Variants in ITGAX observed in about 807,000 individuals in gnomAD.
ITGAX encodes the protein integrin alpha-X.
Under a neutral mutation model 140.2 loss-of-function variants are expected in ITGAX, and 99 were observed. The observed-to-expected ratio is 0.71, with a 90% CI of 0.60 to 0.83. The LOEUF (loss-of-function observed/expected upper bound fraction) is 0.83, where lower values mean the gene tolerates loss of function less well. Ranked by LOEUF, ITGAX falls within the 40% of genes least tolerant of loss-of-function variation. The pLI is 0.00. For synonymous variants in ITGAX, 631 were observed against 600.4 expected, an observed-to-expected ratio of 1.05 and a Z score of -0.75; for missense variants, 1,444 against 1,482.0, an observed-to-expected ratio of 0.97 and a Z score of 0.42.
intron 5 of ITGAX, 81 bp from the exon 6 acceptor site, chr16:31,359,619 A>C (rs980420506): frequency 2.6e-6 from 4 of 1,527,546 alleles, no homozygotes; most frequent in Middle Eastern, 1.8e-4. Flanking sequence ...GTTTTGGGAG[A>C]GTGAGCTCTT....
At position 31,382,716 on chromosome 16, in the gene ITGAX, G is replaced by A. The variant is rs748306204; in HGVS notation, c.*809G>A. The A allele has an allele frequency of 5.4e-6, 3 of 551,780 alleles. No homozygotes were observed. The highest frequency in any genetic ancestry group is 9.7e-6 in the Non-Finnish European group (3 of 307,706). The allele number at this position is 551,780 out of a possible 1,614,324, so 34.2% of individuals were successfully genotyped here. ...CTGGGTTCTGCACAGCTGGCCTCCC[G>A]CGTTGGGCAACATTGCTGGCTGGAA... On this transcript the variant is annotated 3_prime_UTR_variant, in exon 30 of 30. Transcript: ENST00000268296.
Position 31,360,886 on chromosome 16 carries a change from C to G in ITGAX, c.862-177C>G, listed in dbSNP as rs1484458478. The G allele has an allele frequency of 1.5e-5, 9 of 611,578 alleles. No individual in the cohort carries two copies. The East Asian group carries it at 2.6e-4, about 18-fold the overall frequency. 37.9% of individuals were successfully genotyped at this position (611,578 alleles called of 1,614,324 possible). On this transcript the variant is annotated intron_variant, in intron 8 of 29. Transcript: ENST00000268296. The stretch of plus-strand genomic sequence containing the variant: ...TTAAGGATGAAAACTCTGCCCCAGA[C>G]TGGAGACCATGATCCTTTCTCCTAA...
In ITGAX at chr16:31,382,003, C is replaced by T. The variant is rs547894672; in HGVS notation, c.*96C>T. ...TGACGGGGAGGAACCACTGCACCAC[C>T]GAGAGAGGCTGGGATGGGCCTGCTT... is the stretch of plus-strand genomic sequence containing the variant. On this transcript the variant is annotated 3_prime_UTR_variant, in exon 30 of 30. Coordinates refer to ENST00000268296, the MANE Select transcript of ITGAX (RefSeq NM_000887.5). The T allele has an allele frequency of 4.7e-5, 71 of 1,497,600 alleles. 1 individual carries two copies. Among genetic ancestry groups the T allele is most frequent in the Middle Eastern group, 2.4e-4 (1 of 4,084 alleles). The allele number at this position is 1,497,600 out of a possible 1,614,324, so 92.8% of individuals were successfully genotyped here.
intron 7 of ITGAX, 64 bp downstream of exon 7, chr16:31,360,129 G>T: frequency 6.3e-7 from 1 of 1,589,678 alleles, no homozygotes; most frequent in Admixed American, 1.7e-5. Flanking sequence ...GGCCTCATCT[G>T]TCTCCACGAG....
Position 31,362,655 on chromosome 16 carries a change from G to C in ITGAX, c.1261G>C (p.Val421Leu). 3 of 1,613,502 alleles carry C rather than the reference G, an allele frequency of 1.9e-6. No individual in the cohort carries two copies. Among genetic ancestry groups the C allele is most frequent in the Non-Finnish European group, 2.5e-6 (3 of 1,179,794 alleles). ...CCTCTGGAAAGGGGTGCAGAGCCTG[G>C]TCCTGGGGGCCCCCCGCTACCAGCA... ...LALWKGVQSL[V>L]LGAPRYQHTG... Residue 421 changes from valine to leucine, a missense_variant, in exon 12 of 30, where the codon GTC becomes CTC. Physicochemically the swap from Val to Leu is conservative, Grantham distance 32 (BLOSUM62 1). Transcript: ENST00000268296.
chr16:31,369,316 G>A lies in ITGAX; in HGVS notation c.1711-1768G>A, dbSNP rs1343890451. On this transcript the variant is annotated intron_variant, in intron 14 of 29. Transcript: ENST00000268296. ...CCCCCCCCCCACCTCCCTCCCGGACGGGGCAGCTGGCCGGGCAGAGGGTCT... is the reference window on the plus strand; with the variant it reads ...CCCCCCCCCCACCTCCCTCCCGGACAGGGCAGCTGGCCGGGCAGAGGGTCT... 7.8e-5 allele frequency among the ~76,000 whole-genome samples: 11 copies of A among 141,742 alleles called. 1 individual carries two copies. The highest frequency in any genetic ancestry group is 2.1e-4 in the Admixed American group (3 of 14,486). The allele number at this position is 141,742 out of a possible 152,430, so 93.0% of individuals were successfully genotyped here. A position where few individuals can be genotyped will look rare whatever the true frequency, so the allele number is the denominator to read the frequency against.
At chr16:31,370,021 T>TCTCCGCTCACTGCAAC in intron 14 of ITGAX, 1 of 152,224 alleles carries the variant, frequency 6.6e-6, no homozygotes, top group East Asian at 1.9e-4. Context: ...AGTGGTGCAA[T>TCTCCGCTCACTGCAAC]CTCCGCTCAC....
At chr16:31,365,962 T>C (rs757637455) in intron 14 of ITGAX, among the ~76,000 whole-genome samples, 6 of 152,058 alleles carry the variant, frequency 3.9e-5, no homozygotes, top group Non-Finnish European at 8.8e-5. Context: ...GTTTAACACC[T>C]GAAGGGGAAT....
intron 14 of ITGAX, among the ~76,000 whole-genome samples, chr16:31,369,119 T>C (rs2080925058): frequency 6.6e-6 from 1 of 152,210 alleles, no homozygotes; most frequent in Admixed American, 6.5e-5. Flanking sequence ...AATGAGCTGT[T>C]GGGTACACCT....
At chr16:31,355,780 G>T in intron 1 of ITGAX, 113 bp from the exon 2 acceptor site, 1 of 778,006 alleles carries the variant, frequency 1.3e-6, no homozygotes. Context: ...GAAGACCCAG[G>T]CACCCCGGGC....
intron 9 of ITGAX, 115 bp downstream of exon 9, chr16:31,361,328 G>C: frequency 8.4e-7 from 1 of 1,188,014 alleles, no homozygotes; most frequent in Non-Finnish European, 1.2e-6. Flanking sequence ...CTGCTTTCCC[G>C]GGACCCCGAT....
Position 31,369,297 on chromosome 16 carries a change from C to G in ITGAX, c.1711-1787C>G, listed in dbSNP as rs934273092. On this transcript the variant is annotated intron_variant, in intron 14 of 29. Coordinates refer to ENST00000268296, the MANE Select transcript of ITGAX (RefSeq NM_000887.5). ...GGCCGGGCGGGGGGCTGACCCCCCC[C>G]CCCACCTCCCTCCCGGACGGGGCAG... Among the ~76,000 whole-genome samples the G allele has an allele frequency of 2.9e-3, 428 of 145,168 alleles. 3 individuals are homozygous for G. The highest frequency in any genetic ancestry group is 0.01 in the African/African-American group (408 of 38,926).
In ITGAX at chr16:31,371,232, CA is replaced by C; in HGVS notation, c.1841+19del. The C allele has an allele frequency of 6.2e-7, 1 of 1,602,690 alleles. No individual in the cohort carries two copies. Among genetic ancestry groups the C allele is most frequent in the African/African-American group, 1.3e-5 (1 of 74,830 alleles). On this transcript the variant is annotated intron_variant, in intron 15 of 29. Coordinates refer to ENST00000268296, the MANE Select transcript of ITGAX (RefSeq NM_000887.5). Reference sequence around the variant, plus strand: ...CTGCTCAGGTGAGAGCAGCCTTTCTCAGAGGCTCCCCAGGTGGTCCTAGGTT... The same window carrying C: ...CTGCTCAGGTGAGAGCAGCCTTTCTCGAGGCTCCCCAGGTGGTCCTAGGTT...
intron 14 of ITGAX, 65 bp from the exon 15 acceptor site, chr16:31,371,019 T>C: frequency 6.2e-7 from 1 of 1,604,600 alleles, no homozygotes; most frequent in Non-Finnish European, 8.5e-7. Context: ...ATATTCCCCT[T>C]GTTACTTATT....
chr16:31,376,953 C>T, intron 21 of ITGAX, 38 bp downstream of exon 21: 3 of 1,613,388 alleles, frequency 1.9e-6, no homozygotes, highest in South Asian at 2.2e-5. Flanking sequence ...CTCCCCTGCC[C>T]CACCCTGTCT....
At chr16:31,371,935 G>A (rs2080967830) in intron 17 of ITGAX, 151 bp downstream of exon 17, 1 of 884,746 alleles carries the variant, frequency 1.1e-6, no homozygotes, top group Non-Finnish European at 1.7e-6. Flanking sequence ...TAGCCAGTGA[G>A]TGAGTGAGCG....
At position 31,377,191 on chromosome 16, in the gene ITGAX, C is replaced by T. The variant is rs1250332653; in HGVS notation, c.2715C>T (p.Asn905=). The T allele has an allele frequency of 6.2e-7, 1 of 1,613,870 alleles. No individual in the cohort carries two copies. Among genetic ancestry groups the T allele is most frequent in the African/African-American group, 1.3e-5 (1 of 74,888 alleles). The change falls in exon 23 of 30, where the codon AAC becomes AAT. Residue 905 remains asparagine, a synonymous_variant. Coordinates refer to ENST00000268296, the MANE Select transcript of ITGAX (RefSeq NM_000887.5). ...LLTANVSSEN[N]TPRTSKTTFQ... is the part of the protein sequence containing the mutation. ...TCTCCTCTTTCTCCAGTGAGAACAA[C>T]ACTCCCAGGACCAGCAAGACCACCT... is the stretch of plus-strand genomic sequence containing the variant.
chr16:31,363,963 C>T (rs1236263836), intron 14 of ITGAX, among the ~76,000 whole-genome samples: 2 of 152,204 alleles, frequency 1.3e-5, no homozygotes, highest in African/African-American at 4.8e-5. Context: ...CCTTCCCTTC[C>T]ACTCGCCCCT....
At position 31,371,393 on chromosome 16, in the gene ITGAX, G is replaced by A. The variant is rs775080304; in HGVS notation, c.1901G>A (p.Arg634Lys). The change falls in exon 16 of 30, where the codon AGG (arginine) becomes AAG (lysine). Residue 634 changes from arginine (R) to lysine (K), a missense_variant. By Grantham distance (26) the Arg-to-Lys change is conservative (BLOSUM62 2). Transcript: ENST00000268296. ...CAGTTCATACCTGCCGAGATCCCCA[G>A]GTCTGCGTTTGAGTGTCGGGAGCAG... ...SMQFIPAEIPRSAFECREQVV... is the reference protein window; with the variant it reads ...SMQFIPAEIPKSAFECREQVV... 5.6e-6 allele frequency: 9 copies of A among 1,614,102 alleles called. No individual in the cohort carries two copies. The highest frequency in any genetic ancestry group is 1.3e-5 in the African/African-American group (1 of 74,928).
Sources: allele counts gnomAD v4.1 joint callset (sites outside exome capture counted in the v4.1 genomes callset), GRCh38; gene constraint gnomAD v4.1.1; transcripts MANE v1.5; gene names NCBI Gene and HGNC (gene_info 2026-07-23, HGNC 2026-07-21).